CCDC149: variants seen among roughly 807,000 people sequenced by gnomAD.
The protein encoded by CCDC149 is coiled-coil domain containing 149, also known as coiled-coil domain-containing protein 149.
Under a neutral mutation model 59.9 loss-of-function variants are expected in CCDC149, and 45 were observed. That is an observed-to-expected ratio of 0.75 (90% CI 0.59 to 0.96). The LOEUF is 0.96. CCDC149 is among the 40% of genes least tolerant of loss of function. The pLI, the probability that CCDC149 is intolerant of heterozygous loss-of-function variation, is 0.00. For synonymous variants in CCDC149, 245 were observed against 260.6 expected (o/e 0.94, Z 0.58); for missense variants, 584 against 664.7 (o/e 0.88, Z 1.33).
intron 1 of CCDC149, 70 bp downstream of exon 1, chr4:24,912,746 TG>T: frequency 9.0e-7 from 1 of 1,112,930 alleles, no homozygotes; most frequent in East Asian, 4.4e-5. Context: ...TCGGCCTCTC[TG>T]GGGGCGCGGG....
At chr4:24,892,934 T>C (rs973818853) in intron 1 of CCDC149, among the ~76,000 whole-genome samples, 4 of 152,048 alleles carry the variant, frequency 2.6e-5, no homozygotes, top group African/African-American at 7.2e-5. Flanking sequence ...ATGACACAAA[T>C]GAGGGAAGGC....
chr4:24,911,049 A>G (rs1305104302), intron 1 of CCDC149, among the ~76,000 whole-genome samples: 3 of 152,172 alleles, frequency 2.0e-5, no homozygotes, highest in Non-Finnish European at 4.4e-5. Context: ...TGGGATGGGC[A>G]GGAAAACTCC....
intron 3 of CCDC149, among the ~76,000 whole-genome samples, chr4:24,856,404 T>C (rs1197803873): frequency 6.6e-6 from 1 of 152,174 alleles, no homozygotes; most frequent in Non-Finnish European, 1.5e-5. Flanking sequence ...GTGTGCTAGA[T>C]GATAACATGC....
chr4:24,948,980 C>T (rs1373938123), intron 1 of CCDC149, among the ~76,000 whole-genome samples: 1 of 152,166 alleles, frequency 6.6e-6, no homozygotes, highest in African/African-American at 2.4e-5. Flanking sequence ...TGAGGCCTCC[C>T]CAGCCACGTG....
At chr4:24,860,402 T>A (rs1324871330) in intron 3 of CCDC149, among the ~76,000 whole-genome samples, 2 of 152,202 alleles carry the variant, frequency 1.3e-5, no homozygotes, top group African/African-American at 4.8e-5. Context: ...CGTAGAGGAA[T>A]GAAATTGGAT....
At chr4:24,811,938 C>T (rs114002897) in intron 12 of CCDC149, among the ~76,000 whole-genome samples, 61 of 152,068 alleles carry the variant, frequency 4.0e-4, no homozygotes, top group African/African-American at 1.4e-3. Context: ...GGCTCTGGGG[C>T]AGAATCCATT....
intron 1 of CCDC149, among the ~76,000 whole-genome samples, chr4:24,918,449 A>G (rs28366647): frequency 1.7e-4 from 26 of 152,276 alleles, no homozygotes; most frequent in African/African-American, 6.3e-4. Context: ...TTATCTAATG[A>G]CGTGCCCCTC....
intron 1 of CCDC149, among the ~76,000 whole-genome samples, chr4:24,958,837 G>A (rs1280274137): frequency 6.6e-6 from 1 of 152,078 alleles, no homozygotes; most frequent in Non-Finnish European, 1.5e-5. Flanking sequence ...TTTGAGACCT[G>A]CCTGGCCAAC....
chr4:24,963,195 A>C (rs1240134757), intron 1 of CCDC149, among the ~76,000 whole-genome samples: 2 of 152,100 alleles, frequency 1.3e-5, no homozygotes, highest in Non-Finnish European at 2.9e-5. Flanking sequence ...AGCAAGGCCA[A>C]GTGTGGATCT....
chr4:24,945,470 G>A (rs1356739453), intron 1 of CCDC149, among the ~76,000 whole-genome samples: 1 of 152,152 alleles, frequency 6.6e-6, no homozygotes, highest in African/African-American at 2.4e-5. Flanking sequence ...TAGGAACTAG[G>A]AAGAGGCAAG....
chr4:24,906,307 G>C (rs1392097243), intron 1 of CCDC149, among the ~76,000 whole-genome samples: 1 of 151,788 alleles, frequency 6.6e-6, no homozygotes, highest in Non-Finnish European at 1.5e-5. Flanking sequence ...ATAGCCCCAG[G>C]GTGATTTGAG....
At chr4:24,825,419 G>C (rs1462365843) in intron 9 of CCDC149, among the ~76,000 whole-genome samples, 1 of 152,140 alleles carries the variant, frequency 6.6e-6, no homozygotes, top group Non-Finnish European at 1.5e-5. Flanking sequence ...ACTCAGAAAG[G>C]TCACTTAACT....
intron 1 of CCDC149, among the ~76,000 whole-genome samples, chr4:24,886,503 A>G (rs1720185944): frequency 6.6e-6 from 1 of 152,254 alleles, no homozygotes; most frequent in African/African-American, 2.4e-5. Context: ...GACTGTATCC[A>G]GTGGTAATAC....
At chr4:24,927,702 A>G (rs978137607) in intron 1 of CCDC149, among the ~76,000 whole-genome samples, 1 of 152,148 alleles carries the variant, frequency 6.6e-6, no homozygotes, top group African/African-American at 2.4e-5. Flanking sequence ...ACTTCCTTAT[A>G]TTAACTTGAT....
At chr4:24,932,647 G>A (rs911749176) in intron 1 of CCDC149, among the ~76,000 whole-genome samples, 1 of 152,074 alleles carries the variant, frequency 6.6e-6, no homozygotes, top group Non-Finnish European at 1.5e-5. Flanking sequence ...TGGATTCCTG[G>A]TAAGCTGTAA....
chr4:24,974,067 C>T (rs773685814), intron 1 of CCDC149, among the ~76,000 whole-genome samples: 1 of 152,228 alleles, frequency 6.6e-6, no homozygotes, highest in Non-Finnish European at 1.5e-5. Flanking sequence ...AATAAACAAA[C>T]GCCTGGAACA....
At position 24,923,474 on chromosome 4, in the gene CCDC149, G is replaced by C. The variant is rs548641319; in HGVS notation, c.-64-28356C>G. ...TTATTTAATCACCAAGATGATAAATGCTGTGAAAGAAAAAAAAGGTTTTCT... is the reference window on the plus strand; with the variant it reads ...TTATTTAATCACCAAGATGATAAATCCTGTGAAAGAAAAAAAAGGTTTTCT... On this transcript the variant is annotated intron_variant, in intron 1 of 12. Transcript: ENST00000389609. 1.1e-4 allele frequency among the ~76,000 whole-genome samples: 17 copies of C among 152,224 alleles called. No homozygotes were observed. The East Asian group carries it at 3.1e-3, about 28-fold the overall frequency.
intron 12 of CCDC149, among the ~76,000 whole-genome samples, chr4:24,810,233 G>C (rs17623481): frequency 2.0e-4 from 30 of 152,280 alleles, no homozygotes; most frequent in Non-Finnish European, 3.7e-4. Flanking sequence ...CATGAGAACA[G>C]GAGCCTCATC....
chr4:24,836,346 A>G (rs1373599222), intron 7 of CCDC149, 90 bp downstream of exon 7: 8 of 903,644 alleles, frequency 8.9e-6, no homozygotes, highest in Admixed American at 5.6e-5. Context: ...AAGTACTAAA[A>G]TATCTTTGGC....
Sources: allele counts gnomAD v4.1 joint callset (sites outside exome capture counted in the v4.1 genomes callset), GRCh38; gene constraint gnomAD v4.1.1; transcripts MANE v1.5; gene names NCBI Gene and HGNC (gene_info 2026-07-23, HGNC 2026-07-21).